Variants in AHSA1 observed in about 807,000 individuals in gnomAD.
The protein encoded by AHSA1 is activator of 90 kDa heat shock protein ATPase homolog 1.
AHSA1 carries 14 observed loss-of-function variants against 46.1 expected under a neutral mutation model. The observed-to-expected ratio is 0.30, with a 90% CI of 0.20 to 0.47. AHSA1 has a LOEUF of 0.47. Ranked by LOEUF, AHSA1 falls within the 20% of genes least tolerant of loss-of-function variation. AHSA1 has a pLI of 0.99. For synonymous variants in AHSA1, 147 were observed against 145.8 expected (o/e 1.01, Z -0.06); for missense variants, 333 against 415.9 (o/e 0.80, Z 1.73).
Position 77,459,643 on chromosome 14 carries a change from C to T in AHSA1, c.108C>T (p.Ser36=), listed in dbSNP as rs779694608. 1 of 1,614,134 alleles carries T rather than the reference C, an allele frequency of 6.2e-7. No individual in the cohort carries two copies. Among genetic ancestry groups the T allele is most frequent in the East Asian group, 2.2e-5 (1 of 44,888 alleles). ...CGGAGAGAGATGCTTCAAATTGGTC[C>T]ACGGATAAGCTGAAAACACTGTTCC... is the stretch of plus-strand genomic sequence containing the variant. ...HWTERDASNW[S]TDKLKTLFLA... The change falls in exon 2 of 9, where the codon TCC becomes TCT. Residue 36 remains serine, a synonymous_variant. Transcript: ENST00000216479.
chr14:77,468,745 T>TA lies in AHSA1; in HGVS notation c.844+238dup, dbSNP rs1555369864. Reference sequence around the variant, plus strand: ...GCTTTTTTTTTTTTTTTTTTTTTTTTACTTTTTTACTTTTTTTGTAGAGAT... The same window carrying TA: ...GCTTTTTTTTTTTTTTTTTTTTTTTTAACTTTTTTACTTTTTTTGTAGAGAT... On this transcript the variant is annotated intron_variant, in intron 8 of 8. Transcript: ENST00000216479. 8.7e-5 allele frequency: 31 copies of TA among 358,136 alleles called. 1 individual carries two copies. Among genetic ancestry groups the TA allele is most frequent in the African/African-American group, 1.6e-4 (6 of 36,560 alleles). The allele number at this position is 358,136 out of a possible 1,614,324, so 22.2% of individuals were successfully genotyped here. A position where few individuals can be genotyped will look rare whatever the true frequency, so the allele number is the denominator to read the frequency against.
intron 1 of AHSA1, 137 bp downstream of exon 1, chr14:77,458,406 C>T (rs903825357): frequency 2.4e-6 from 2 of 836,588 alleles, no homozygotes; most frequent in Non-Finnish European, 3.6e-6. Context: ...CTTCCTGTGG[C>T]AGGGGTCCGT....
intron 6 of AHSA1, among the ~76,000 whole-genome samples, 178 bp downstream of exon 6, chr14:77,465,845 C>T (rs1024035126): frequency 6.6e-5 from 10 of 150,600 alleles, no homozygotes; most frequent in African/African-American, 1.2e-4. Context: ...TTTTTTGAGA[C>T]GGAGTCTCGC....
chr14:77,469,339 A>C lies in AHSA1; in HGVS notation c.*90A>C. 2 of 1,507,700 alleles carry C rather than the reference A, an allele frequency of 1.3e-6. No homozygotes were observed. The highest frequency in any genetic ancestry group is 4.6e-5 in the East Asian group (2 of 43,718). The allele number at this position is 1,507,700 out of a possible 1,614,324, so 93.4% of individuals were successfully genotyped here. A position where few individuals can be genotyped will look rare whatever the true frequency, so the allele number is the denominator to read the frequency against. ...GCGACTCACAGGATTGCATCGTCCCAGCTGCTAACTTGGGGCCGGGGCCCC... is the reference window on the plus strand; with the variant it reads ...GCGACTCACAGGATTGCATCGTCCCCGCTGCTAACTTGGGGCCGGGGCCCC... On this transcript the variant is annotated 3_prime_UTR_variant, in exon 9 of 9. Transcript: ENST00000216479.
In AHSA1 at chr14:77,458,149, A is replaced by G. The variant is rs1030795395; in HGVS notation, c.-41A>G. On this transcript the variant is annotated 5_prime_UTR_variant, in exon 1 of 9. Coordinates refer to ENST00000216479, the MANE Select transcript of AHSA1 (RefSeq NM_012111.3). ...ACTAAGCGGTCCTGAGGCTGTGGCTACGGCTGCTCCGGAGCTGGTGGCGCC... is the reference window on the plus strand; with the variant it reads ...ACTAAGCGGTCCTGAGGCTGTGGCTGCGGCTGCTCCGGAGCTGGTGGCGCC... 6 of 1,500,480 alleles carry G rather than the reference A, an allele frequency of 4.0e-6. No homozygotes were observed. Among genetic ancestry groups the G allele is most frequent in the Non-Finnish European group, 5.3e-6 (6 of 1,125,052 alleles). 92.9% of individuals were successfully genotyped at this position (1,500,480 alleles called of 1,614,324 possible). A position where few individuals can be genotyped will look rare whatever the true frequency, so the allele number is the denominator to read the frequency against.
chr14:77,461,430 T>C (rs888879053), intron 2 of AHSA1, among the ~76,000 whole-genome samples: 1 of 152,168 alleles, frequency 6.6e-6, no homozygotes, highest in African/African-American at 2.4e-5. Context: ...CTTGGGAGGC[T>C]GAAGCAGAAG....
intron 8 of AHSA1, chr14:77,468,744 T>A: frequency 2.5e-6 from 1 of 399,638 alleles, no homozygotes; most frequent in Non-Finnish European, 4.3e-6. Context: ...TTTTTTTTTT[T>A]TACTTTTTTA....
intron 3 of AHSA1, 147 bp downstream of exon 3, chr14:77,462,389 GC>G (rs1315913708): frequency 1.2e-6 from 1 of 830,212 alleles, no homozygotes; most frequent in Non-Finnish European, 1.9e-6. Flanking sequence ...GGCATATGGT[GC>G]CATTGGAAAC....
chr14:77,458,587 C>T (rs1242525579), intron 1 of AHSA1, among the ~76,000 whole-genome samples: 1 of 152,230 alleles, frequency 6.6e-6, no homozygotes, highest in Admixed American at 6.5e-5. Context: ...CCAGAGGAGT[C>T]ACTGAGACTG....
chr14:77,459,234 G>A (rs1027501854), intron 1 of AHSA1, among the ~76,000 whole-genome samples: 6 of 152,118 alleles, frequency 3.9e-5, no homozygotes, highest in African/African-American at 1.4e-4. Flanking sequence ...AATCCTTTCT[G>A]GGCCTTTTAG....
At position 77,469,394 on chromosome 14, in the gene AHSA1, A is replaced by G; in HGVS notation, c.*145A>G. 2 of 910,010 alleles carry G rather than the reference A, an allele frequency of 2.2e-6. No individual in the cohort carries two copies. Among genetic ancestry groups the G allele is most frequent in the Admixed American group, 2.8e-5 (1 of 35,654 alleles). The allele number at this position is 910,010 out of a possible 1,614,324, so 56.4% of individuals were successfully genotyped here. ...TTCCACATATACCTTGGGTTTGTGC[A>G]TGTTTTCTGCTGGGTGGGTTCAGAG... is the stretch of plus-strand genomic sequence containing the variant. On this transcript the variant is annotated 3_prime_UTR_variant, in exon 9 of 9. Transcript: ENST00000216479.
At position 77,463,345 on chromosome 14, in the gene AHSA1, T is replaced by C. The variant is rs150993973; in HGVS notation, c.472+586T>C. ...GGCTCACACCTATAATCCCAGCCCT[T>C]TGGGAAGCCGAGGTGGGCGGATCAC... is the stretch of plus-strand genomic sequence containing the variant. On this transcript the variant is annotated intron_variant, in intron 4 of 8. Coordinates refer to ENST00000216479, the MANE Select transcript of AHSA1 (RefSeq NM_012111.3). 3.2e-3 allele frequency among the ~76,000 whole-genome samples: 486 copies of C among 151,778 alleles called. 1 individual carries two copies. The highest frequency in any genetic ancestry group is 0.017 in the Middle Eastern group (5 of 292).
intron 2 of AHSA1, among the ~76,000 whole-genome samples, chr14:77,461,703 T>C (rs1566746563): frequency 6.6e-6 from 1 of 152,174 alleles, no homozygotes; most frequent in Non-Finnish European, 1.5e-5. Context: ...GATGTGTGTG[T>C]TTTATGTATC....
intron 4 of AHSA1, among the ~76,000 whole-genome samples, chr14:77,463,600 C>A (rs10129572): frequency 0.15 from 7,603 of 49,172 alleles, 551 homozygotes; most frequent in East Asian, 0.41. Flanking sequence ...AAAAAAAAAA[C>A]AAAAAAAAAA....
chr14:77,458,037 A>T, upstream of AHSA1: 1 of 588,818 alleles, frequency 1.7e-6, no homozygotes, highest in Non-Finnish European at 2.8e-6. Context: ...GCCGGAAGTT[A>T]AGGAGGGGAG....
At chr14:77,466,533 C>CA in intron 6 of AHSA1, 1 of 152,288 alleles carries the variant, frequency 6.6e-6, no homozygotes, top group African/African-American at 2.4e-5. Flanking sequence ...ATTTTTTAAA[C>CA]AAAAATGTAA....
intron 4 of AHSA1, chr14:77,463,175 G>A (rs2079033074): frequency 4.9e-6 from 1 of 202,382 alleles, no homozygotes; most frequent in South Asian, 9.0e-5. Context: ...AGCTACTCGG[G>A]AGGCTGAGGT....
At chr14:77,459,043 T>C (rs910582904) in intron 1 of AHSA1, among the ~76,000 whole-genome samples, 3 of 152,238 alleles carry the variant, frequency 2.0e-5, no homozygotes, top group Non-Finnish European at 4.4e-5. Context: ...CATATCTCAC[T>C]TTGTATTCTC....
At chr14:77,467,703 AAAAAT>A (rs61280024) in intron 6 of AHSA1, among the ~76,000 whole-genome samples, 64,630 of 151,808 alleles carry the variant, frequency 0.43, 16,484 homozygotes, top group East Asian at 0.92. Context: ...CAATAAATAA[AAAAAT>A]AAAATAAAAT....
Sources: gnomAD v4.1 joint callset for allele counts (sites outside exome capture counted in the v4.1 genomes callset) on GRCh38, gnomAD v4.1.1 for gene constraint, MANE v1.5 for transcripts, NCBI Gene and HGNC (gene_info 2026-07-23, HGNC 2026-07-21) for gene names.